Variants in FAM24B observed in about 807,000 individuals in gnomAD.
FAM24B encodes the protein protein FAM24B.
A neutral mutation model predicts 2.3 loss-of-function variants in FAM24B; 3 were observed. The observed-to-expected ratio is 1.29, with a 90% confidence interval of 0.59 to 3.32. FAM24B has a LOEUF of 3.32. Ranked by LOEUF, FAM24B falls within the 30% of genes most tolerant of loss-of-function variation. The probability of loss-of-function intolerance (pLI) is 0.03; values close to 1 mark genes in which losing one functional copy is unlikely to be tolerated. For missense variants in FAM24B, 98 were observed against 117.2 expected, an observed-to-expected ratio of 0.84 and a Z score of 0.76; for synonymous variants, 36 against 46.3, an observed-to-expected ratio of 0.78 and a Z score of 0.90.
At chr10:122,853,309 C>T (rs1847573781) in intron 2 of FAM24B, among the ~76,000 whole-genome samples, 1 of 152,130 alleles carries the variant, frequency 6.6e-6, no homozygotes, top group Non-Finnish European at 1.5e-5. Context: ...ACATTTTGTA[C>T]CCTGGGCCCT....
At chr10:122,865,911 CT>C (rs1222037474) in intron 1 of FAM24B, among the ~76,000 whole-genome samples, 277 of 139,526 alleles carry the variant, frequency 2.0e-3, no homozygotes, top group Middle Eastern at 3.7e-3. Flanking sequence ...TTGTATTATT[CT>C]TTTTTTTTTT....
chr10:122,858,131 T>C (rs1847667770), intron 1 of FAM24B, among the ~76,000 whole-genome samples: 1 of 152,190 alleles, frequency 6.6e-6, no homozygotes, highest in East Asian at 1.9e-4. Flanking sequence ...CTATTCACAA[T>C]AGCAAAGACT....
intron 1 of FAM24B, among the ~76,000 whole-genome samples, chr10:122,861,410 C>T (rs369028189): frequency 6.6e-6 from 1 of 152,118 alleles, no homozygotes; most frequent in African/African-American, 2.4e-5. Context: ...AGTCCTTAAA[C>T]TTTGTTATTT....
At chr10:122,854,840 C>T (rs559912662) in intron 2 of FAM24B, among the ~76,000 whole-genome samples, 2 of 152,210 alleles carry the variant, frequency 1.3e-5, no homozygotes, top group Admixed American at 6.5e-5. Context: ...CAGTTATTTG[C>T]GAACTGCCCA....
intron 3 of FAM24B, 90 bp downstream of exon 3, chr10:122,850,334 G>A: frequency 9.5e-7 from 1 of 1,050,984 alleles, no homozygotes; most frequent in African/African-American, 1.6e-5. Flanking sequence ...GCTCCAACAG[G>A]AAGCCCAGGT....
At position 122,849,181 on chromosome 10, in the gene FAM24B, T is replaced by C. The variant is rs1847482633; in HGVS notation, c.*66A>G. 5 of 1,234,750 alleles carry C rather than the reference T, an allele frequency of 4.0e-6. No homozygotes were observed. Among genetic ancestry groups the C allele is most frequent in the Admixed American group, 2.7e-5 (1 of 37,054 alleles). 76.5% of individuals were successfully genotyped at this position (1,234,750 alleles called of 1,614,324 possible). A position where few individuals can be genotyped will look rare whatever the true frequency, so the allele number is the denominator to read the frequency against. On this transcript the variant is annotated 3_prime_UTR_variant, in exon 4 of 4. Transcript: ENST00000368898. Reference sequence around the variant, plus strand: ...TCACATAAAAACACTAGAACTTGATTTGAATAACAAAACAATCTACTAAGA... The same window carrying C: ...TCACATAAAAACACTAGAACTTGATCTGAATAACAAAACAATCTACTAAGA...
At chr10:122,854,160 G>A (rs2133826196) in intron 2 of FAM24B, among the ~76,000 whole-genome samples, 1 of 152,276 alleles carries the variant, frequency 6.6e-6, no homozygotes, top group East Asian at 1.9e-4. Context: ...GTTAAACCCT[G>A]ACCAATATTA....
rs536354022 is a variant in FAM24B at position 122,871,059 on chromosome 10, C to T, written c.-178+8426G>A. ...ACCCCATCGTCTCAGCTCAAAATCT[C>T]CTTAAGCTGATAGGCAACTTCAGCA... On this transcript the variant is annotated intron_variant, in intron 1 of 3. Transcript: ENST00000368898. 2.6e-5 allele frequency among the ~76,000 whole-genome samples: 4 copies of T among 152,310 alleles called. No homozygotes were observed. In the East Asian group the frequency reaches 7.7e-4, roughly 29 times the overall value.
chr10:122,856,613 C>T (rs1330041540), intron 1 of FAM24B, among the ~76,000 whole-genome samples: 1 of 152,176 alleles, frequency 6.6e-6, no homozygotes, highest in Non-Finnish European at 1.5e-5. Context: ...TTTCCCACTT[C>T]CAGTGTGCTG....
chr10:122,879,236 C>T (rs937775532), intron 1 of FAM24B, among the ~76,000 whole-genome samples: 12 of 152,344 alleles, frequency 7.9e-5, no homozygotes, highest in African/African-American at 2.9e-4. Context: ...CCCGTGTGGC[C>T]CAGCGTCCAC....
At chr10:122,878,873 T>C (rs1197021463) in intron 1 of FAM24B, among the ~76,000 whole-genome samples, 1 of 151,900 alleles carries the variant, frequency 6.6e-6, no homozygotes, top group Non-Finnish European at 1.5e-5. Context: ...GCTTATAGTA[T>C]TGATCTTGCT....
chr10:122,874,363 T>C (rs1205499697), intron 1 of FAM24B, among the ~76,000 whole-genome samples: 1 of 152,230 alleles, frequency 6.6e-6, no homozygotes, highest in Non-Finnish European at 1.5e-5. Context: ...GCTCTTCCTT[T>C]ATATAGATCC....
intron 1 of FAM24B, among the ~76,000 whole-genome samples, chr10:122,864,087 TTCAGAGCAAAC>T (rs1483274445): frequency 6.6e-6 from 1 of 152,062 alleles, no homozygotes; most frequent in African/African-American, 2.4e-5. Context: ...CATGTGTTGT[TTCAGAGCAAAC>T]TGAAACAACA....
chr10:122,876,871 CA>C (rs1045760231), intron 1 of FAM24B, among the ~76,000 whole-genome samples: 21 of 152,140 alleles, frequency 1.4e-4, no homozygotes, highest in Middle Eastern at 3.2e-3. Context: ...CACACAAAAA[CA>C]AAAGCTTTCT....
intron 1 of FAM24B, among the ~76,000 whole-genome samples, chr10:122,865,102 T>C (rs935675936): frequency 6.6e-6 from 1 of 152,200 alleles, no homozygotes; most frequent in Non-Finnish European, 1.5e-5. Context: ...TGCTGAGTCA[T>C]TATGTACCAT....
At chr10:122,878,124 G>C (rs1168382651) in intron 1 of FAM24B, among the ~76,000 whole-genome samples, 2 of 152,128 alleles carry the variant, frequency 1.3e-5, no homozygotes, top group African/African-American at 2.4e-5. Flanking sequence ...TGATGAACAG[G>C]ATTTTTCCTA....
At chr10:122,871,141 AACAG>A (rs1490757223) in intron 1 of FAM24B, among the ~76,000 whole-genome samples, 5 of 152,026 alleles carry the variant, frequency 3.3e-5, no homozygotes, top group African/African-American at 2.4e-5. Context: ...ATACACCAAC[AACAG>A]ACAAACAGAG....
At chr10:122,857,608 G>C (rs763575624) in intron 1 of FAM24B, among the ~76,000 whole-genome samples, 4 of 152,148 alleles carry the variant, frequency 2.6e-5, no homozygotes, top group Non-Finnish European at 5.9e-5. Context: ...CTTTACCTCT[G>C]CTCCACAAAG....
At chr10:122,866,125 C>T (rs541453803) in intron 1 of FAM24B, among the ~76,000 whole-genome samples, 1 of 152,206 alleles carries the variant, frequency 6.6e-6, no homozygotes, top group South Asian at 2.1e-4. Context: ...TGGTCTCTAA[C>T]TCCTGACCTC....
Sources: gnomAD v4.1 joint callset for allele counts (sites outside exome capture counted in the v4.1 genomes callset) on GRCh38, gnomAD v4.1.1 for gene constraint, MANE v1.5 for transcripts, NCBI Gene and HGNC (gene_info 2026-07-23, HGNC 2026-07-21) for gene names.